SMOC1: variants seen among roughly 807,000 people sequenced by gnomAD.
The protein encoded by SMOC1 is SPARC-related modular calcium-binding protein 1.
SMOC1 carries 22 observed loss-of-function variants against 56.3 expected under a neutral mutation model. That is an observed-to-expected ratio of 0.39 (90% CI 0.28 to 0.56). The LOEUF (loss-of-function observed/expected upper bound fraction) is 0.56. Ranked by LOEUF, SMOC1 falls within the 20% of genes least tolerant of loss-of-function variation. The probability of loss-of-function intolerance (pLI) is 0.61; values close to 1 mark genes in which losing one functional copy is unlikely to be tolerated. For missense variants in SMOC1, 509 were observed against 565.4 expected (o/e 0.90, Z 1.01); for synonymous variants, 193 against 215.0 (o/e 0.90, Z 0.89).
chr14:69,948,426 G>A (rs902054986), intron 1 of SMOC1, among the ~76,000 whole-genome samples: 11 of 152,172 alleles, frequency 7.2e-5, no homozygotes, highest in African/African-American at 2.7e-4. Context: ...GTGTTGGGAT[G>A]GGTGGGGCCT....
intron 10 of SMOC1, among the ~76,000 whole-genome samples, chr14:70,020,976 C>T (rs1044854024): frequency 3.9e-5 from 6 of 152,218 alleles, no homozygotes; most frequent in African/African-American, 1.2e-4. Context: ...TGCGCCTCCC[C>T]TGGCAGGGCC....
chr14:69,885,894 A>G, intron 1 of SMOC1: 2 of 1,599,084 alleles, frequency 1.3e-6, no homozygotes, highest in Non-Finnish European at 1.7e-6. Context: ...GCCTGGGTGA[A>G]CTGGTTAATC....
At chr14:70,027,359 G>C (rs1885966120) in intron 11 of SMOC1, among the ~76,000 whole-genome samples, 1 of 152,144 alleles carries the variant, frequency 6.6e-6, no homozygotes, top group Non-Finnish European at 1.5e-5. Flanking sequence ...TTGGTTGCCT[G>C]GTGAAGCCAA....
intron 10 of SMOC1, 51 bp from the exon 11 acceptor site, chr14:70,023,152 C>T (rs763060166): frequency 6.2e-7 from 1 of 1,613,064 alleles, no homozygotes; most frequent in South Asian, 1.1e-5. Context: ...ATGGTTCCTG[C>T]AAGATCCTGA....
intron 11 of SMOC1, among the ~76,000 whole-genome samples, chr14:70,028,894 C>T (rs966666214): frequency 6.6e-6 from 1 of 152,238 alleles, no homozygotes; most frequent in African/African-American, 2.4e-5. Flanking sequence ...ATTGGCATAA[C>T]CCAGGGGACA....
chr14:69,965,179 A>G (rs1276911116), intron 3 of SMOC1, among the ~76,000 whole-genome samples: 1 of 152,074 alleles, frequency 6.6e-6, no homozygotes, highest in Non-Finnish European at 1.5e-5. Context: ...GGAGATCAAG[A>G]CCAGCCTGGC....
intron 3 of SMOC1, among the ~76,000 whole-genome samples, chr14:69,968,657 G>A (rs1268254688): frequency 6.6e-6 from 1 of 152,226 alleles, no homozygotes; most frequent in Non-Finnish European, 1.5e-5. Flanking sequence ...CCGATTTGGA[G>A]TAATGGGCAG....
intron 1 of SMOC1, among the ~76,000 whole-genome samples, chr14:69,950,010 T>C (rs1315489672): frequency 1.3e-5 from 2 of 152,160 alleles, no homozygotes; most frequent in East Asian, 3.9e-4. Context: ...TGATCTGAGT[T>C]ATTTATTTTT....
chr14:69,990,046 C>T (rs984908298), intron 5 of SMOC1, among the ~76,000 whole-genome samples: 1 of 152,234 alleles, frequency 6.6e-6, no homozygotes, highest in Non-Finnish European at 1.5e-5. Flanking sequence ...TATCTCTTCA[C>T]CCTCAGTGAC....
chr14:69,994,577 T>A, intron 7 of SMOC1, 97 bp downstream of exon 7: 1 of 963,334 alleles, frequency 1.0e-6, no homozygotes, highest in Non-Finnish European at 1.7e-6. Context: ...AAAAATCATT[T>A]AATCTGTCTG....
chr14:69,974,340 C>T (rs561757400), intron 3 of SMOC1, among the ~76,000 whole-genome samples: 1 of 151,904 alleles, frequency 6.6e-6, no homozygotes, highest in East Asian at 1.9e-4. Flanking sequence ...GAGGGGAATA[C>T]GAGGGATTAG....
chr14:69,974,489 C>T (rs888231614), intron 3 of SMOC1, among the ~76,000 whole-genome samples: 8 of 152,042 alleles, frequency 5.3e-5, no homozygotes, highest in Admixed American at 1.3e-4. Flanking sequence ...AGGGTGTGTG[C>T]TGGGACATGG....
intron 10 of SMOC1, among the ~76,000 whole-genome samples, chr14:70,015,560 C>A (rs1385430745): frequency 6.6e-6 from 1 of 152,088 alleles, no homozygotes; most frequent in East Asian, 1.9e-4. Context: ...CCCCCATGGT[C>A]CCGTGAGCTC....
At chr14:69,883,048 T>C (rs187807687) in intron 1 of SMOC1, among the ~76,000 whole-genome samples, 33 of 152,358 alleles carry the variant, frequency 2.2e-4, no homozygotes, top group African/African-American at 6.5e-4. Context: ...TTGTGCACAA[T>C]ATGATGTTTT....
At chr14:69,971,107 C>G (rs1166692798) in intron 3 of SMOC1, among the ~76,000 whole-genome samples, 1 of 152,210 alleles carries the variant, frequency 6.6e-6, no homozygotes. Context: ...GAACCTCCAA[C>G]TCGTGGCTTC....
In SMOC1 at chr14:70,031,152, A is replaced by G. The variant is rs961950128; in HGVS notation, c.*894A>G. ...GCTTAGCATCTACTCTGTATAACGC[A>G]TGAGAGGGGAGGCAAAGAAGAAAAA... On this transcript the variant is annotated 3_prime_UTR_variant, in exon 12 of 12. Coordinates refer to ENST00000361956, the MANE Select transcript of SMOC1 (RefSeq NM_001034852.3). The G allele has an allele frequency of 1.3e-5, 2 of 152,230 alleles. No individual in the cohort carries two copies. The highest frequency in any genetic ancestry group is 2.9e-5 in the Non-Finnish European group (2 of 68,058). 9.4% of individuals were successfully genotyped at this position (152,230 alleles called of 1,614,324 possible).
intron 2 of SMOC1, 71 bp from the exon 3 acceptor site, chr14:69,953,349 C>A: frequency 6.9e-7 from 1 of 1,453,502 alleles, no homozygotes; most frequent in Non-Finnish European, 9.7e-7. Context: ...GTGGTTTTCT[C>A]AGCCATTTTG....
At chr14:69,879,833 C>T (rs1411042944) in intron 1 of SMOC1, 56 bp downstream of exon 1, 2 of 1,445,908 alleles carry the variant, frequency 1.4e-6, no homozygotes, top group Non-Finnish European at 9.3e-7. Context: ...GTTGCTTCCC[C>T]CCTCATCCCT....
At chr14:69,880,167 C>G (rs933752678) in intron 1 of SMOC1, among the ~76,000 whole-genome samples, 1 of 148,188 alleles carries the variant, frequency 6.7e-6, no homozygotes, top group Non-Finnish European at 1.5e-5. Context: ...GAGTTGTTGG[C>G]AGGCGGCGGG....
Sources: gnomAD v4.1 joint callset for allele counts (sites outside exome capture counted in the v4.1 genomes callset) on GRCh38, gnomAD v4.1.1 for gene constraint, MANE v1.5 for transcripts, NCBI Gene and HGNC (gene_info 2026-07-23, HGNC 2026-07-21) for gene names.